C1orf94: variants seen among roughly 807,000 people sequenced by gnomAD.
The protein encoded by C1orf94 is uncharacterized protein C1orf94.
C1orf94 carries 45 observed loss-of-function variants against 53.6 expected under a neutral mutation model. The ratio of observed to expected loss-of-function variants is 0.84; its 90% CI spans 0.66 to 1.08. The LOEUF (loss-of-function observed/expected upper bound fraction) is 1.08, where lower values mean the gene tolerates loss of function less well. Ranked by LOEUF, C1orf94 falls within the 50% of genes least tolerant of loss-of-function variation. C1orf94 has a pLI of 0.00. For missense variants in C1orf94, 762 were observed against 738.9 expected (o/e 1.03, Z -0.36); for synonymous variants, 304 against 296.1 (o/e 1.03, Z -0.27).
At chr1:34,200,373 A>G (rs542264997) in intron 2 of C1orf94, among the ~76,000 whole-genome samples, 1 of 152,326 alleles carries the variant, frequency 6.6e-6, no homozygotes, top group African/African-American at 2.4e-5. Context: ...GAAAGAAAAG[A>G]AAGGTAATTC....
At chr1:34,217,478 C>CCT (rs77891392) in intron 6 of C1orf94, among the ~76,000 whole-genome samples, 109,370 of 151,854 alleles carry the variant, frequency 0.72, 39,475 homozygotes, top group East Asian at 0.8. Context: ...TCTGAATGAT[C>CCT]CCAATATGAT....
Position 34,206,769 on chromosome 1 carries a change from G to A in C1orf94, c.1447-1388G>A, listed in dbSNP as rs113569614. 4.0e-3 allele frequency among the ~76,000 whole-genome samples: 614 copies of A among 152,302 alleles called. 6 individuals are homozygous for A. The highest frequency in any genetic ancestry group is 0.014 in the African/African-American group (594 of 41,568). On this transcript the variant is annotated intron_variant, in intron 4 of 6. Coordinates refer to ENST00000488417, the MANE Select transcript of C1orf94 (RefSeq NM_001134734.2). ...GGCAGAGGCTGGGGTTGCAGGGACCGGGCAGTGGTCATAACAGGAGAGAGA... is the reference window on the plus strand; with the variant it reads ...GGCAGAGGCTGGGGTTGCAGGGACCAGGCAGTGGTCATAACAGGAGAGAGA...
Position 34,176,951 on chromosome 1 carries a change from CG to C in C1orf94, c.-838del, listed in dbSNP as rs1304565488. 6.6e-6 allele frequency among the ~76,000 whole-genome samples: 1 copy of C among 152,192 alleles called. No homozygotes were observed. The highest frequency in any genetic ancestry group is 2.4e-5 in the African/African-American group (1 of 41,450). Reference sequence around the variant, plus strand: ...TTGAAACCCACAGAAAGAATTCCCCCGCTCGACGACGGCGAGGGTGTGGGAG... The same window carrying C: ...TTGAAACCCACAGAAAGAATTCCCCCCTCGACGACGGCGAGGGTGTGGGAG... On this transcript the variant is annotated 5_prime_UTR_variant, in exon 1 of 7. Transcript: ENST00000488417.
At chr1:34,191,398 C>G (rs1450674586) in intron 1 of C1orf94, among the ~76,000 whole-genome samples, 1 of 152,116 alleles carries the variant, frequency 6.6e-6, no homozygotes, top group East Asian at 1.9e-4. Context: ...TCCTTTAGGA[C>G]AGCCCTCTCC....
upstream of C1orf94, among the ~76,000 whole-genome samples, chr1:34,174,530 G>A (rs1642193192): frequency 6.6e-6 from 1 of 152,122 alleles, no homozygotes; most frequent in Admixed American, 6.5e-5. Context: ...TTAAAAAAAA[G>A]AAAAAAGCCA....
intron 2 of C1orf94, among the ~76,000 whole-genome samples, chr1:34,199,609 C>G (rs1423472746): frequency 6.6e-6 from 1 of 152,240 alleles, no homozygotes. Flanking sequence ...TGCATCCAGA[C>G]AGATCCCGGT....
intron 1 of C1orf94, among the ~76,000 whole-genome samples, chr1:34,184,591 G>C (rs1015568955): frequency 6.6e-6 from 1 of 152,194 alleles, no homozygotes; most frequent in Non-Finnish European, 1.5e-5. Flanking sequence ...GCTTTCTGAG[G>C]CTATTTGTTG....
intron 1 of C1orf94, among the ~76,000 whole-genome samples, chr1:34,187,858 C>T (rs1642410591): frequency 7.1e-6 from 1 of 140,438 alleles, no homozygotes; most frequent in South Asian, 2.4e-4. Flanking sequence ...AGGTGGAGGA[C>T]ATTGTGGGAA....
At chr1:34,174,376 AC>A (rs569137357), upstream of C1orf94, among the ~76,000 whole-genome samples, 618 of 152,358 alleles carry the variant, frequency 4.1e-3, 7 homozygotes, top group Non-Finnish European at 4.0e-3. Flanking sequence ...TAGTAATTCT[AC>A]AAAGCAAGTA....
In C1orf94 at chr1:34,197,899, GGCA is replaced by G. The variant is rs1642629013; in HGVS notation, c.996_998del (p.Arg332_His333delinsSer). The G allele has an allele frequency of 2.5e-6, 4 of 1,613,314 alleles. No individual in the cohort carries two copies. Among genetic ancestry groups the G allele is most frequent in the Middle Eastern group, 1.6e-4 (1 of 6,074 alleles). ...CCCAAGGCTGACCCTGCTGTGGAGA[GGCA>G]CCACTTGATGGGTGAGTGGGGTTGG... On this transcript the variant is annotated inframe_deletion, in exon 2 of 7. Coordinates refer to ENST00000488417, the MANE Select transcript of C1orf94 (RefSeq NM_001134734.2). This position sits in a 1 kb window ranked among gnomAD's most constrained non-coding sequence, Gnocchi z 4.1.
intron 5 of C1orf94, 61 bp downstream of exon 5, chr1:34,208,295 G>T: frequency 2.0e-6 from 3 of 1,509,958 alleles, no homozygotes; most frequent in Non-Finnish European, 2.7e-6. Context: ...GTCAGAGGGT[G>T]CATCTGCTCC....
At chr1:34,215,328 A>G (rs1297915753) in intron 6 of C1orf94, among the ~76,000 whole-genome samples, 1 of 152,266 alleles carries the variant, frequency 6.6e-6, no homozygotes, top group East Asian at 1.9e-4. Flanking sequence ...GGGCCAGACT[A>G]GACAGGGCCT....
At chr1:34,180,225 T>C (rs1288255169) in intron 1 of C1orf94, among the ~76,000 whole-genome samples, 1 of 152,256 alleles carries the variant, frequency 6.6e-6, no homozygotes, top group Admixed American at 6.5e-5. Flanking sequence ...ACATTTATGG[T>C]AATAATTCAG....
intron 1 of C1orf94, among the ~76,000 whole-genome samples, chr1:34,182,014 C>T (rs960930214): frequency 7.9e-5 from 12 of 152,022 alleles, no homozygotes; most frequent in African/African-American, 2.7e-4. Context: ...GGCAACATGG[C>T]AAGACCTCAT....
At chr1:34,184,309 G>T (rs1445710436) in intron 1 of C1orf94, among the ~76,000 whole-genome samples, 18 of 152,208 alleles carry the variant, frequency 1.2e-4, no homozygotes, top group Non-Finnish European at 4.4e-5. Context: ...AAGATGAGAA[G>T]TTACATGGGA....
chr1:34,196,058 G>A (rs542817753), intron 1 of C1orf94, among the ~76,000 whole-genome samples: 1 of 152,312 alleles, frequency 6.6e-6, no homozygotes, highest in South Asian at 2.1e-4. Flanking sequence ...GTAGTTTCCA[G>A]AATGCTTGGT....
intron 4 of C1orf94, among the ~76,000 whole-genome samples, chr1:34,207,574 A>C (rs1642820067): frequency 6.6e-6 from 1 of 152,146 alleles, no homozygotes; most frequent in South Asian, 2.1e-4. Flanking sequence ...ACACTAACAC[A>C]CCTGGGTTCA....
intron 1 of C1orf94, among the ~76,000 whole-genome samples, chr1:34,191,334 G>A (rs1677757): frequency 0.35 from 52,890 of 151,984 alleles, 11,345 homozygotes; most frequent in African/African-American, 0.61. Flanking sequence ...TAAATAATGA[G>A]CCCTTCTTAT....
chr1:34,208,076 T>C (rs773379236), intron 4 of C1orf94, 81 bp from the exon 5 acceptor site: 2 of 1,394,110 alleles, frequency 1.4e-6, no homozygotes, highest in Admixed American at 1.8e-5. Context: ...CTCAGTCCTG[T>C]CTGGGAACTG....
Sources: gnomAD v4.1 joint callset for allele counts (sites outside exome capture counted in the v4.1 genomes callset) on GRCh38, gnomAD v4.1.1 for gene constraint, Gnocchi (gnomAD v3.1) non-coding constraint, MANE v1.5 for transcripts, NCBI Gene and HGNC (gene_info 2026-07-23, HGNC 2026-07-21) for gene names.